The following AUTS2 variants were observed in gnomAD, a reference collection of about 807,000 sequenced individuals.
AUTS2 encodes autism susceptibility gene 2 protein.
AUTS2 carries 17 observed loss-of-function variants against 112.4 expected under a neutral mutation model. That is an observed-to-expected ratio of 0.15 (90% confidence interval 0.10 to 0.23). The LOEUF (loss-of-function observed/expected upper bound fraction) is 0.23, where lower values mean the gene tolerates loss of function less well. AUTS2 is among the 10% of genes least tolerant of loss of function. AUTS2 has a pLI of 1.00. For missense variants in AUTS2, 1,510 were observed against 1,701.6 expected (o/e 0.89, Z 1.98); for synonymous variants, 751 against 702.7 (o/e 1.07, Z -1.09).
chr7:69,685,494 C>A (rs993932026), intron 1 of AUTS2, among the ~76,000 whole-genome samples: 1 of 152,144 alleles, frequency 6.6e-6, no homozygotes, highest in Admixed American at 6.5e-5. Context: ...TAGTCTTAGA[C>A]AAACTAAGCT....
At chr7:70,669,172 G>C (rs932292432) in intron 5 of AUTS2, among the ~76,000 whole-genome samples, 1 of 152,210 alleles carries the variant, frequency 6.6e-6, no homozygotes, top group African/African-American at 2.4e-5. Context: ...GAGGCTCGCT[G>C]TCTCTGAGGT....
intron 4 of AUTS2, among the ~76,000 whole-genome samples, chr7:70,164,177 G>A (rs10238049): frequency 0.11 from 16,794 of 152,132 alleles, 1,474 homozygotes; most frequent in African/African-American, 0.24. Flanking sequence ...TAGAATTCTC[G>A]TATAAAATCA....
Position 70,453,365 on chromosome 7 carries a change from C to G in AUTS2, c.690+17584C>G, listed in dbSNP as rs957322823. 6.6e-5 allele frequency among the ~76,000 whole-genome samples: 10 copies of G among 152,316 alleles called. No homozygotes were observed. The South Asian group carries it at 1.7e-3, about 25-fold the overall frequency. On this transcript the variant is annotated intron_variant, in intron 5 of 18. Coordinates refer to ENST00000342771, the MANE Select transcript of AUTS2 (RefSeq NM_015570.4). ...TCAGAAGTGAGAGTGAAATCTCTGT[C>G]AGTCCTTCCTAAGCATTACCTTGGC... is the stretch of plus-strand genomic sequence containing the variant.
intron 6 of AUTS2, among the ~76,000 whole-genome samples, chr7:70,738,420 T>G (rs1344521670): frequency 2.7e-5 from 4 of 149,658 alleles, no homozygotes; most frequent in Non-Finnish European, 6.0e-5. Context: ...AGTTTTTTGT[T>G]TTTTTTTTTT....
intron 6 of AUTS2, among the ~76,000 whole-genome samples, chr7:70,753,304 A>G (rs765971742): frequency 5.3e-5 from 8 of 152,118 alleles, no homozygotes; most frequent in East Asian, 1.9e-4. Flanking sequence ...GGAACCCTGA[A>G]GGCCCTCAGA....
intron 4 of AUTS2, among the ~76,000 whole-genome samples, chr7:70,410,186 GTGGT>G (rs1248571440): frequency 6.6e-6 from 1 of 152,176 alleles, no homozygotes; most frequent in East Asian, 1.9e-4. Context: ...CAACAGTGTA[GTGGT>G]TGGTTTGTCT....
At chr7:70,265,532 A>G (rs1041332089) in intron 4 of AUTS2, among the ~76,000 whole-genome samples, 17 of 152,172 alleles carry the variant, frequency 1.1e-4, no homozygotes, top group African/African-American at 3.9e-4. Flanking sequence ...TTTATAGATC[A>G]GTTCTCCCAG....
intron 2 of AUTS2, among the ~76,000 whole-genome samples, chr7:70,047,524 A>G (rs1307046571): frequency 1.3e-5 from 2 of 152,212 alleles, no homozygotes; most frequent in South Asian, 4.1e-4. Flanking sequence ...AGCTGAAGCA[A>G]AGTTCATAAA....
intron 5 of AUTS2, among the ~76,000 whole-genome samples, chr7:70,654,061 T>C (rs1806643843): frequency 6.6e-6 from 1 of 152,168 alleles, no homozygotes; most frequent in Admixed American, 6.5e-5. Flanking sequence ...CCCAGGAAAT[T>C]GTATGTTAAT....
intron 14 of AUTS2, among the ~76,000 whole-genome samples, chr7:70,778,775 T>C (rs1308265159): frequency 6.6e-6 from 1 of 152,342 alleles, no homozygotes; most frequent in African/African-American, 2.4e-5. Flanking sequence ...TTAGAAAATG[T>C]GTGTGCTTTG....
chr7:70,652,154 A>G (rs6973425), intron 5 of AUTS2, among the ~76,000 whole-genome samples: 92,484 of 151,992 alleles, frequency 0.61, 28,688 homozygotes, highest in Middle Eastern at 0.78. Context: ...CATGTTTTAC[A>G]AAGTAGGAAT....
intron 1 of AUTS2, among the ~76,000 whole-genome samples, chr7:69,659,579 A>AGTT (rs1562791762): frequency 2.6e-5 from 2 of 76,510 alleles, no homozygotes; most frequent in African/African-American, 4.7e-5. Flanking sequence ...GCTGAGGCTT[A>AGTT]GTTGTTTTTT....
chr7:70,074,280 G>A (rs1162093017), intron 2 of AUTS2, among the ~76,000 whole-genome samples: 1 of 152,146 alleles, frequency 6.6e-6, no homozygotes, highest in East Asian at 1.9e-4. Flanking sequence ...CTGTTCATCT[G>A]GCTAGAAACT....
intron 1 of AUTS2, among the ~76,000 whole-genome samples, chr7:69,610,115 CATGGA>C (rs1328762951): frequency 6.6e-6 from 1 of 152,164 alleles, no homozygotes; most frequent in African/African-American, 2.4e-5. Flanking sequence ...TTGCAGCAGC[CATGGA>C]ATGTATTAAT....
intron 4 of AUTS2, among the ~76,000 whole-genome samples, chr7:70,235,792 C>T (rs908420688): frequency 5.3e-5 from 8 of 151,850 alleles, no homozygotes; most frequent in South Asian, 2.1e-4. Context: ...GCTGGGAGTA[C>T]GGGCACCCAC....
At chr7:70,340,198 C>CG (rs1791200809) in intron 4 of AUTS2, among the ~76,000 whole-genome samples, 1 of 101,608 alleles carries the variant, frequency 9.8e-6, no homozygotes, top group South Asian at 3.4e-4. Context: ...ACACACACCC[C>CG]GTAATAAGTT....
At chr7:70,235,284 C>G (rs1164803203) in intron 4 of AUTS2, among the ~76,000 whole-genome samples, 3 of 151,848 alleles carry the variant, frequency 2.0e-5, no homozygotes, top group African/African-American at 4.8e-5. Flanking sequence ...TAGTCACATG[C>G]TACCACCCAT....
At position 69,887,152 on chromosome 7, in the gene AUTS2, G is replaced by A. The variant is rs928453518; in HGVS notation, c.310-12134G>A. On this transcript the variant is annotated intron_variant, in intron 1 of 18. Coordinates refer to ENST00000342771, the MANE Select transcript of AUTS2 (RefSeq NM_015570.4). The stretch of plus-strand genomic sequence containing the variant: ...CCTGGGGCCAGGTGCAGTGGCTCAC[G>A]CCTGTAATCCCAGCACTTTGGGAAG... Among the ~76,000 whole-genome samples, 12 of 152,242 alleles carry A rather than the reference G, an allele frequency of 7.9e-5. No homozygotes were observed. The South Asian group carries it at 2.1e-3, about 26-fold the overall frequency.
In AUTS2 at chr7:69,949,579, T is replaced by C. The variant is rs531930826; in HGVS notation, c.522+50081T>C. Among the ~76,000 whole-genome samples, 3 of 152,336 alleles carry C rather than the reference T, an allele frequency of 2.0e-5. No individual in the cohort carries two copies. In the South Asian group the frequency reaches 6.2e-4, roughly 32 times the overall value. On this transcript the variant is annotated intron_variant, in intron 2 of 18. Transcript: ENST00000342771. ...TTACTTTAGTTTTTCTACCTCCCAA[T>C]TGAAGCCACTATCAGATATATAGTC... is the stretch of plus-strand genomic sequence containing the variant.
Sources: gnomAD v4.1 joint callset for allele counts (sites outside exome capture counted in the v4.1 genomes callset) on GRCh38, gnomAD v4.1.1 for gene constraint, MANE v1.5 for transcripts, NCBI Gene and HGNC (gene_info 2026-07-23, HGNC 2026-07-21) for gene names.